CELF2: variants seen among roughly 807,000 people sequenced by gnomAD.
CELF2 encodes the protein CUG triplet repeat RNA-binding protein 2.
A neutral mutation model predicts 62.6 loss-of-function variants in CELF2; 8 were observed. The ratio of observed to expected loss-of-function variants is 0.13; its 90% CI spans 0.07 to 0.23. CELF2 has a LOEUF of 0.23. Among genes scored for constraint, CELF2 ranks in the 10% least tolerant of loss-of-function variants. The pLI, the probability that CELF2 is intolerant of heterozygous loss-of-function variation, is 1.00. For synonymous variants in CELF2, 258 were observed against 250.0 expected, an observed-to-expected ratio of 1.03 and a Z score of -0.30; for missense variants, 333 against 671.0, an observed-to-expected ratio of 0.50 and a Z score of 5.56.
chr10:11,095,017 G>A (rs765462229), intron 1 of CELF2, among the ~76,000 whole-genome samples: 5 of 152,072 alleles, frequency 3.3e-5, no homozygotes, highest in African/African-American at 4.8e-5. Context: ...AACTGGATTC[G>A]ATTTGCTTTT....
intron 1 of CELF2, among the ~76,000 whole-genome samples, chr10:10,902,777 AGGGAGGAGAG>A (rs1288541423): frequency 6.7e-6 from 1 of 149,250 alleles, no homozygotes; most frequent in East Asian, 2.0e-4. Context: ...GAAAGGAGGG[AGGGAGGAGAG>A]GGGAGGAGAG....
the CELF2 span, among the ~76,000 whole-genome samples, chr10:10,536,401 G>A: frequency 6.6e-6 from 1 of 152,112 alleles, no homozygotes; most frequent in African/African-American, 2.4e-5. Context: ...TAAAAACACT[G>A]GTCACATAAA....
intron 2 of CELF2, among the ~76,000 whole-genome samples, chr10:10,956,387 G>C (rs970327957): frequency 6.6e-6 from 1 of 152,142 alleles, no homozygotes; most frequent in African/African-American, 2.4e-5. Flanking sequence ...TTATTGGCTT[G>C]CATATTTCTC....
chr10:11,118,800 C>T (rs898339950), intron 1 of CELF2, among the ~76,000 whole-genome samples: 4 of 152,244 alleles, frequency 2.6e-5, no homozygotes, highest in South Asian at 2.1e-4. Flanking sequence ...GGAGTCACTT[C>T]TCTTGTCCTT....
the CELF2 span, among the ~76,000 whole-genome samples, chr10:10,762,089 T>C: frequency 6.6e-6 from 1 of 152,080 alleles, no homozygotes; most frequent in South Asian, 2.1e-4. Flanking sequence ...TTAGAACTGA[T>C]GAGATGTTCT....
At position 11,098,934 on chromosome 10, in the gene CELF2, G is replaced by T. The variant is rs543490571; in HGVS notation, c.75-66552G>T. ...CCAGCAGGAGAATATTTAAAACTGG[G>T]TTTGGTTTAAAATGCAGATAACAGA... On this transcript the variant is annotated intron_variant, in intron 1 of 12. Coordinates refer to ENST00000633077, the MANE Select transcript of CELF2 (RefSeq NM_001326342.2). The surrounding 1 kb of genome is among the most constrained non-coding windows in gnomAD (Gnocchi z 4.0). Among the ~76,000 whole-genome samples, 29 of 152,274 alleles carry T rather than the reference G, an allele frequency of 1.9e-4. 1 individual carries two copies. In the East Asian group the frequency reaches 5.4e-3, roughly 28 times the overall value.
chr10:10,471,922 C>G, the CELF2 span, among the ~76,000 whole-genome samples: 1 of 151,716 alleles, frequency 6.6e-6, no homozygotes, highest in Admixed American at 6.6e-5. Flanking sequence ...CTTTGTCATT[C>G]CAATATTATC....
At chr10:10,906,997 A>G (rs1285553516) in intron 1 of CELF2, among the ~76,000 whole-genome samples, 1 of 152,056 alleles carries the variant, frequency 6.6e-6, no homozygotes, top group African/African-American at 2.4e-5. Context: ...GATTACAGGC[A>G]TGAGCCACGA....
the CELF2 span, among the ~76,000 whole-genome samples, chr10:10,718,540 C>T: frequency 6.6e-6 from 1 of 150,606 alleles, no homozygotes; most frequent in Non-Finnish European, 1.5e-5. Context: ...AGGAGAATTG[C>T]TTGACCCTAG....
the CELF2 span, among the ~76,000 whole-genome samples, chr10:10,745,683 T>C: frequency 6.6e-6 from 1 of 152,148 alleles, no homozygotes; most frequent in Non-Finnish European, 1.5e-5. Context: ...TGGTGATGGA[T>C]TTTTTCCTGC....
At chr10:10,840,978 G>A (rs545855132) in intron 1 of CELF2, among the ~76,000 whole-genome samples, 1 of 152,290 alleles carries the variant, frequency 6.6e-6, no homozygotes, top group African/African-American at 2.4e-5. Flanking sequence ...TGCTGAGAAT[G>A]ATGGCTTCCA....
At chr10:10,646,419 T>G in the CELF2 span, among the ~76,000 whole-genome samples, 1 of 152,242 alleles carries the variant, frequency 6.6e-6, no homozygotes, top group African/African-American at 2.4e-5. Flanking sequence ...GTTCATCATT[T>G]GTCACATCCA....
At chr10:10,763,061 C>A in the CELF2 span, among the ~76,000 whole-genome samples, 1 of 152,206 alleles carries the variant, frequency 6.6e-6, no homozygotes, top group African/African-American at 2.4e-5. Flanking sequence ...TTTCTACATG[C>A]GATCTCTGCT....
the CELF2 span, among the ~76,000 whole-genome samples, chr10:10,562,640 G>A: frequency 1.3e-5 from 2 of 152,164 alleles, no homozygotes; most frequent in Non-Finnish European, 2.9e-5. Context: ...GACTTAGAAA[G>A]GAAGGTTCTC....
At chr10:10,949,029 C>T (rs1489390087) in intron 2 of CELF2, among the ~76,000 whole-genome samples, 1 of 152,130 alleles carries the variant, frequency 6.6e-6, no homozygotes, top group Non-Finnish European at 1.5e-5. Flanking sequence ...CACACACAAA[C>T]AGCAGGTGAC....
At chr10:10,741,650 C>T in the CELF2 span, among the ~76,000 whole-genome samples, 1 of 152,118 alleles carries the variant, frequency 6.6e-6, no homozygotes, top group Non-Finnish European at 1.5e-5. Flanking sequence ...AGGATGCTGC[C>T]TTCTCAGTGC....
chr10:11,163,553 A>G (rs2066222677), intron 1 of CELF2, among the ~76,000 whole-genome samples: 1 of 152,260 alleles, frequency 6.6e-6, no homozygotes, highest in Non-Finnish European at 1.5e-5. Context: ...TCTGGCTCTA[A>G]TATAAACAAG....
rs1483324370 is a variant in CELF2 at position 11,329,821 on chromosome 10, ATAAAT to A, written c.*770_*774del. On this transcript the variant is annotated 3_prime_UTR_variant, in exon 13 of 13. Transcript: ENST00000633077. The surrounding 1 kb of genome is among the most constrained non-coding windows in gnomAD (Gnocchi z 5.5). ...GAAAATACTTGATGTTTCTTGAAAG[ATAAAT>A]TTAATAATAATAAATAAATACATAA... is the stretch of plus-strand genomic sequence containing the variant. 2 of 152,102 alleles carry A rather than the reference ATAAAT, an allele frequency of 1.3e-5. No homozygotes were observed. Among genetic ancestry groups the A allele is most frequent in the African/African-American group, 4.8e-5 (2 of 41,450 alleles). The allele number at this position is 152,102 out of a possible 1,614,324, so 9.4% of individuals were successfully genotyped here.
chr10:10,924,592 C>T (rs532123495), intron 2 of CELF2, among the ~76,000 whole-genome samples: 5 of 152,188 alleles, frequency 3.3e-5, no homozygotes, highest in Admixed American at 2.6e-4. Context: ...TAAAATAATT[C>T]GGTATATAAA....
Sources: gnomAD v4.1 joint callset for allele counts (sites outside exome capture counted in the v4.1 genomes callset) on GRCh38, gnomAD v4.1.1 for gene constraint, Gnocchi (gnomAD v3.1) non-coding constraint, MANE v1.5 for transcripts, NCBI Gene and HGNC (gene_info 2026-07-23, HGNC 2026-07-21) for gene names.